The following EDN1 variants were observed in gnomAD, a reference collection of about 807,000 sequenced individuals.
EDN1 encodes endothelin 1.
Under a neutral mutation model 21.7 loss-of-function variants are expected in EDN1, and 11 were observed. That is an observed-to-expected ratio of 0.51 (90% confidence interval 0.32 to 0.84). EDN1 has a LOEUF of 0.84. Among genes scored for constraint, EDN1 ranks in the 40% least tolerant of loss-of-function variants. The pLI, the probability that EDN1 is intolerant of heterozygous loss-of-function variation, is 0.03. For synonymous variants in EDN1, 85 were observed against 90.6 expected (o/e 0.94, Z 0.35); for missense variants, 244 against 262.3 (o/e 0.93, Z 0.48).
the EDN1 span, among the ~76,000 whole-genome samples, chr6:12,239,353 C>G: frequency 3.3e-5 from 5 of 152,102 alleles, no homozygotes; most frequent in African/African-American, 7.2e-5. Flanking sequence ...TATAATAAAG[C>G]CTCAAAATGC....
chr6:12,233,154 A>C, the EDN1 span, among the ~76,000 whole-genome samples: 1 of 152,216 alleles, frequency 6.6e-6, no homozygotes, highest in African/African-American at 2.4e-5. Context: ...ATCCAAAGTT[A>C]TAGGTCCTGA....
chr6:12,277,316 A>G, the EDN1 span, among the ~76,000 whole-genome samples: 1 of 152,352 alleles, frequency 6.6e-6, no homozygotes, highest in African/African-American at 2.4e-5. Flanking sequence ...TTGGGCAACT[A>G]GGAGGACAGT....
chr6:12,295,326 G>A (rs1298851660), intron 4 of EDN1, among the ~76,000 whole-genome samples: 1 of 152,050 alleles, frequency 6.6e-6, no homozygotes, highest in Non-Finnish European at 1.5e-5. Flanking sequence ...ACCTGCTTAT[G>A]AGAGTATCCA....
chr6:12,264,555 A>G, the EDN1 span, among the ~76,000 whole-genome samples: 2,936 of 152,284 alleles, frequency 0.019, 43 homozygotes, highest in African/African-American at 0.037. Context: ...TGAGCCACAT[A>G]GGAAGAGGAA....
rs6413478 is a variant in EDN1, at chr6:12,295,984, G to A, written c.556G>A (p.Val186Ile). 7.3e-4 allele frequency: 1,184 copies of A among 1,614,002 alleles called. 2 individuals carry two copies. Among genetic ancestry groups the A allele is most frequent in the Non-Finnish European group, 9.1e-4 (1,076 of 1,179,958 alleles). The change falls in exon 5 of 5, where the codon GTC becomes ATC. Residue 186 changes from valine to isoleucine, a missense_variant. Val to Ile is a conservative substitution (Grantham distance 29). Coordinates refer to ENST00000379375, the MANE Select transcript of EDN1 (RefSeq NM_001955.5). ...QTRSETMRNS[V>I]KSSFHDPKLK... is the part of the protein sequence containing the mutation. ...TAGGTCGGAGACCATGAGAAACAGC[G>A]TCAAATCATCTTTTCATGATCCCAA...
At chr6:12,287,656 C>CTCTCT (rs1358181030), upstream of EDN1, among the ~76,000 whole-genome samples, 1 of 151,450 alleles carries the variant, frequency 6.6e-6, no homozygotes, top group Non-Finnish European at 1.5e-5. Context: ...AATTCTCTCT[C>CTCTCT]TCTCTTCTCT....
chr6:12,277,196 T>TG, the EDN1 span, among the ~76,000 whole-genome samples: 3 of 152,202 alleles, frequency 2.0e-5, no homozygotes, highest in Non-Finnish European at 2.9e-5. Flanking sequence ...AGCATGAGGT[T>TG]GTTTGAGCAA....
chr6:12,257,334 A>G, the EDN1 span, among the ~76,000 whole-genome samples: 1 of 152,218 alleles, frequency 6.6e-6, no homozygotes. Flanking sequence ...ACAAAAAGTT[A>G]TTGACAAACT....
At chr6:12,291,230 G>A (rs143979842) in intron 1 of EDN1, among the ~76,000 whole-genome samples, 18 of 32,232 alleles carry the variant, frequency 5.6e-4, no homozygotes, top group East Asian at 1.9e-3. Flanking sequence ...CCCCCCCCCC[G>A]CCACCACCCC....
the EDN1 span, among the ~76,000 whole-genome samples, chr6:12,246,885 C>G: frequency 2.0e-5 from 3 of 152,158 alleles, no homozygotes; most frequent in Admixed American, 2.0e-4. Context: ...ATATTGATTG[C>G]TTTTTGAGAC....
At chr6:12,288,313 G>A (rs146988956), upstream of EDN1, among the ~76,000 whole-genome samples, 58 of 152,238 alleles carry the variant, frequency 3.8e-4, no homozygotes, top group East Asian at 7.7e-3. Flanking sequence ...GGGAGTGTTG[G>A]GGGGGAGGCG....
the EDN1 span, among the ~76,000 whole-genome samples, chr6:12,231,298 C>T: frequency 1.3e-5 from 2 of 152,118 alleles, no homozygotes; most frequent in African/African-American, 4.8e-5. Context: ...ACCAGTGTTC[C>T]ACCAACACTG....
chr6:12,288,281 TC>T (rs994767087), upstream of EDN1, among the ~76,000 whole-genome samples: 4 of 151,910 alleles, frequency 2.6e-5, no homozygotes, highest in Non-Finnish European at 5.9e-5. Context: ...AAGACATATT[TC>T]CCAGGCCACC....
chr6:12,277,972 T>C, the EDN1 span, among the ~76,000 whole-genome samples: 2 of 152,240 alleles, frequency 1.3e-5, no homozygotes, highest in Non-Finnish European at 2.9e-5. Context: ...TAATCTGGAT[T>C]GATGAAGAAT....
upstream of EDN1, among the ~76,000 whole-genome samples, chr6:12,286,997 G>A (rs924421035): frequency 3.9e-5 from 6 of 152,064 alleles, no homozygotes; most frequent in African/African-American, 1.5e-4. Flanking sequence ...TGAGCCTGTT[G>A]TCCCAGCTAC....
At chr6:12,284,717 AG>A in the EDN1 span, among the ~76,000 whole-genome samples, 7 of 112,024 alleles carry the variant, frequency 6.2e-5, no homozygotes, top group African/African-American at 2.8e-4. Flanking sequence ...GAAAGAAAGA[AG>A]GAAAGGAAGG....
At chr6:12,279,915 G>T in the EDN1 span, among the ~76,000 whole-genome samples, 1 of 152,006 alleles carries the variant, frequency 6.6e-6, no homozygotes, top group South Asian at 2.1e-4. Flanking sequence ...AAGAAGAATG[G>T]GAAGCTAAAA....
At chr6:12,280,491 A>G in the EDN1 span, among the ~76,000 whole-genome samples, 1 of 152,246 alleles carries the variant, frequency 6.6e-6, no homozygotes, top group African/African-American at 2.4e-5. Context: ...TAGAAAATCA[A>G]CAGTCTTCCC....
At chr6:12,238,209 C>G in the EDN1 span, among the ~76,000 whole-genome samples, 1 of 150,350 alleles carries the variant, frequency 6.7e-6, no homozygotes, top group Non-Finnish European at 1.5e-5. Flanking sequence ...CAAAATGCAG[C>G]AGAAAACCAA....
Sources: allele counts gnomAD v4.1 joint callset (sites outside exome capture counted in the v4.1 genomes callset), GRCh38; gene constraint gnomAD v4.1.1; transcripts MANE v1.5; gene names NCBI Gene and HGNC (gene_info 2026-07-23, HGNC 2026-07-21).